The following DMAC1 variants were observed in gnomAD, a reference collection of about 807,000 sequenced individuals.
DMAC1 encodes distal membrane arm assembly component 1, also known as distal membrane-arm assembly complex protein 1.
In DMAC1, 10 loss-of-function variants were observed where a neutral mutation model predicts 7.0. That is an observed-to-expected ratio of 1.43 (90% CI 0.88 to 2.43). The LOEUF is 2.43. Among genes scored for constraint, DMAC1 ranks in the 30% most tolerant of loss-of-function variants. The pLI is 0.00. For missense variants in DMAC1, 219 were observed against 158.7 expected (o/e 1.38, Z -2.04); for synonymous variants, 92 against 66.2 (o/e 1.39, Z -1.90).
In DMAC1 at chr9:7,799,627, G is replaced by C. The variant is rs1173313594; in HGVS notation, c.108C>G (p.Thr36=). 2 of 1,613,026 alleles carry C rather than the reference G, an allele frequency of 1.2e-6. No homozygotes were observed. The highest frequency in any genetic ancestry group is 4.5e-5 in the East Asian group (2 of 44,846). ...TCAACAGGCGGTGTTCTGCTGGGGA[G>C]GTCGGCGCTCCGGGTGTAGCTGGGG... is the stretch of plus-strand genomic sequence containing the variant. The part of the protein sequence containing the change: ...PAPPATPGAP[T]SPAEHRLLKT... The change falls in exon 1 of 2, where the codon ACC becomes ACG. Residue 36 remains threonine (T), a synonymous_variant. Transcript: ENST00000358227.
In DMAC1 at chr9:7,799,633, C is replaced by CA; in HGVS notation, c.101_102insT (p.Pro35AlafsTer125). ...GGCGGTGTTCTGCTGGGGAGGTCGGCGCTCCGGGTGTAGCTGGGGGCGCAG... is the reference window on the plus strand; with the variant it reads ...GGCGGTGTTCTGCTGGGGAGGTCGGCAGCTCCGGGTGTAGCTGGGGGCGCAG... On this transcript the variant is annotated frameshift_variant, in exon 1 of 2. Coordinates refer to ENST00000358227, the MANE Select transcript of DMAC1 (RefSeq NM_033428.3). LOFTEE classifies it high-confidence loss of function. 3 of 1,612,872 alleles carry CA rather than the reference C, an allele frequency of 1.9e-6. No homozygotes were observed. The highest frequency in any genetic ancestry group is 2.5e-6 in the Non-Finnish European group (3 of 1,179,770).
At position 7,797,590 on chromosome 9, in the gene DMAC1, T is replaced by C. The variant is rs972127918; in HGVS notation, c.*983A>G. 3.9e-5 allele frequency: 6 copies of C among 152,184 alleles called. No homozygotes were observed. The highest frequency in any genetic ancestry group is 7.4e-5 in the Non-Finnish European group (5 of 68,022). 9.4% of individuals were successfully genotyped at this position (152,184 alleles called of 1,614,324 possible). ...AGTATCTCAGGGTAGAAAAACCCAA[T>C]AGGTAGAAAACATGGCCTTCTCTTA... On this transcript the variant is annotated 3_prime_UTR_variant, in exon 2 of 2. Transcript: ENST00000358227.
chr9:7,797,789 T>C lies in DMAC1; in HGVS notation c.*784A>G, dbSNP rs1430291676. 1.3e-5 allele frequency: 2 copies of C among 152,170 alleles called. No homozygotes were observed. Among genetic ancestry groups the C allele is most frequent in the Non-Finnish European group, 2.9e-5 (2 of 68,026 alleles). 9.4% of individuals were successfully genotyped at this position (152,170 alleles called of 1,614,324 possible). ...TGATTTTTATGATTATCTAACTGTT[T>C]CATAATGGTTATTCTTGCCTCCATG... On this transcript the variant is annotated 3_prime_UTR_variant, in exon 2 of 2. Coordinates refer to ENST00000358227, the MANE Select transcript of DMAC1 (RefSeq NM_033428.3).
At position 7,797,187 on chromosome 9, in the gene DMAC1, A is replaced by AT. The variant is rs1818624673; in HGVS notation, c.*1385dup. On this transcript the variant is annotated 3_prime_UTR_variant, in exon 2 of 2. Transcript: ENST00000358227. ...TTTAGGTATATGAATGACCATATGT[A>AT]TCTGCTTTGGGTCATCCATGGTCCC... is the stretch of plus-strand genomic sequence containing the variant. 6.6e-6 allele frequency: 1 copy of AT among 152,242 alleles called. No homozygotes were observed. The highest frequency in any genetic ancestry group is 1.5e-5 in the Non-Finnish European group (1 of 68,042). 9.4% of individuals were successfully genotyped at this position (152,242 alleles called of 1,614,324 possible).
At chr9:7,799,212 C>A (rs1005224103) in intron 1 of DMAC1, among the ~76,000 whole-genome samples, 1 of 151,876 alleles carries the variant, frequency 6.6e-6, no homozygotes, top group African/African-American at 2.4e-5. Context: ...ATACCTACTT[C>A]TAACAGCTAT....
rs765696614 is a variant in DMAC1, at chr9:7,798,590, C to T, written c.322G>A (p.Ala108Thr). 1.9e-6 allele frequency: 3 copies of T among 1,611,934 alleles called. No individual in the cohort carries two copies. The highest frequency in any genetic ancestry group is 1.1e-5 in the South Asian group (1 of 90,848). The stretch of plus-strand genomic sequence containing the variant: ...TGGTACTTTCAAACAACGCGGTAGG[C>T]CTTCCCTTTGGGGTCTGCCATGACA... ...IVVMADPKGKAYRVV is the reference protein window; with the variant it reads ...IVVMADPKGKTYRVV Residue 108 changes from alanine (A) to threonine (T), a missense_variant, in exon 2 of 2, where the codon GCC (alanine) becomes ACC (threonine). Physicochemically the swap from Ala to Thr is moderately conservative, Grantham distance 58. Coordinates refer to ENST00000358227, the MANE Select transcript of DMAC1 (RefSeq NM_033428.3).
At position 7,797,386 on chromosome 9, in the gene DMAC1, G is replaced by C. The variant is rs1162575707; in HGVS notation, c.*1187C>G. Reference sequence around the variant, plus strand: ...GATGTAGAAAATACAAGATTCTAAAGTCATCTGTGAGGCTAAATAGACTTA... The same window carrying C: ...GATGTAGAAAATACAAGATTCTAAACTCATCTGTGAGGCTAAATAGACTTA... On this transcript the variant is annotated 3_prime_UTR_variant, in exon 2 of 2. Coordinates refer to ENST00000358227, the MANE Select transcript of DMAC1 (RefSeq NM_033428.3). The C allele has an allele frequency of 2.0e-5, 3 of 152,180 alleles. No homozygotes were observed. Among genetic ancestry groups the C allele is most frequent in the Admixed American group, 6.5e-5 (1 of 15,290 alleles). 9.4% of individuals were successfully genotyped at this position (152,180 alleles called of 1,614,324 possible).
chr9:7,799,332 G>C, intron 1 of DMAC1, 129 bp downstream of exon 1: 1 of 1,219,642 alleles, frequency 8.2e-7, no homozygotes, highest in Non-Finnish European at 1.1e-6. Flanking sequence ...CACCTTGTTT[G>C]AGGTGCCCCC....
At position 7,799,547 on chromosome 9, in the gene DMAC1, C is replaced by T; in HGVS notation, c.188G>A (p.Gly63Glu). 1 of 1,613,820 alleles carries T rather than the reference C, an allele frequency of 6.2e-7. No homozygotes were observed. The highest frequency in any genetic ancestry group is 8.5e-7 in the Non-Finnish European group (1 of 1,180,020). Residue 63 changes from glycine (G) to glutamate (E), a missense_variant, in exon 1 of 2, where the codon GGG becomes GAG. Gly to Glu is a moderately conservative substitution (Grantham distance 98). Transcript: ENST00000358227. ...LSGLGLMGAGGYVYWVARKPM... is the reference protein window; with the variant it reads ...LSGLGLMGAGEYVYWVARKPM... ...CTTCCGTGCCACCCAGTACACGTACCCGCCCGCCCCCATCAGCCCCAACCC... is the reference window on the plus strand; with the variant it reads ...CTTCCGTGCCACCCAGTACACGTACTCGCCCGCCCCCATCAGCCCCAACCC...
At chr9:7,798,991 G>C (rs1212300304) in intron 1 of DMAC1, among the ~76,000 whole-genome samples, 3 of 152,088 alleles carry the variant, frequency 2.0e-5, no homozygotes, top group Non-Finnish European at 4.4e-5. Context: ...TACCAAGTAG[G>C]TGAGCTTAGA....
Position 7,799,539 on chromosome 9 carries a change from A to C in DMAC1, c.196T>G (p.Tyr66Asp). Residue 66 changes from tyrosine to aspartate, a missense_variant, in exon 1 of 2, where the codon TAC (tyrosine) becomes GAC (aspartate). By Grantham distance (160) the Tyr-to-Asp change is radical. Transcript: ENST00000358227. ...LGLMGAGGYV[Y>D]WVARKPMKMG... is the part of the protein sequence containing the mutation. ...TTCATGGGCTTCCGTGCCACCCAGT[A>C]CACGTACCCGCCCGCCCCCATCAGC... is the stretch of plus-strand genomic sequence containing the variant. 1 of 1,613,708 alleles carries C rather than the reference A, an allele frequency of 6.2e-7. No individual in the cohort carries two copies. The highest frequency in any genetic ancestry group is 8.5e-7 in the Non-Finnish European group (1 of 1,180,012).
Position 7,798,133 on chromosome 9 carries a change from T to A in DMAC1, c.*440A>T, listed in dbSNP as rs1460264926. ...AACTCTTTAAAATAATGAAGTAAAA[T>A]AGCTAATTTTCCCGTTGGTTTACCA... is the stretch of plus-strand genomic sequence containing the variant. On this transcript the variant is annotated 3_prime_UTR_variant, in exon 2 of 2. Coordinates refer to ENST00000358227, the MANE Select transcript of DMAC1 (RefSeq NM_033428.3). 2 of 152,668 alleles carry A rather than the reference T, an allele frequency of 1.3e-5. No homozygotes were observed. The highest frequency in any genetic ancestry group is 2.9e-5 in the Non-Finnish European group (2 of 68,396). 9.5% of individuals were successfully genotyped at this position (152,668 alleles called of 1,614,324 possible).
In DMAC1 at chr9:7,797,309, T is replaced by C. The variant is rs749556126; in HGVS notation, c.*1264A>G. 8 of 152,246 alleles carry C rather than the reference T, an allele frequency of 5.3e-5. No homozygotes were observed. The highest frequency in any genetic ancestry group is 1.2e-4 in the Non-Finnish European group (8 of 68,046). 9.4% of individuals were successfully genotyped at this position (152,246 alleles called of 1,614,324 possible). On this transcript the variant is annotated 3_prime_UTR_variant, in exon 2 of 2. Coordinates refer to ENST00000358227, the MANE Select transcript of DMAC1 (RefSeq NM_033428.3). ...GTTGCGTACTTTAGGTTTGAAATGTTTTCTTTTTCAGTTGCATAGATATAT... is the reference window on the plus strand; with the variant it reads ...GTTGCGTACTTTAGGTTTGAAATGTCTTCTTTTTCAGTTGCATAGATATAT...
chr9:7,798,424 AC>A lies in DMAC1; in HGVS notation c.*148del. The A allele has an allele frequency of 1.2e-6, 1 of 868,486 alleles. No individual in the cohort carries two copies. The highest frequency in any genetic ancestry group is 1.9e-6 in the Non-Finnish European group (1 of 520,538). 53.8% of individuals were successfully genotyped at this position (868,486 alleles called of 1,614,324 possible). The stretch of plus-strand genomic sequence containing the variant: ...CTCCATAGCCAGAGAATGACAACAT[AC>A]GATTTTCTTCTCAGTCTTGTAGTAT... On this transcript the variant is annotated 3_prime_UTR_variant, in exon 2 of 2. Transcript: ENST00000358227.
At chr9:7,799,045 T>G (rs561442243) in intron 1 of DMAC1, among the ~76,000 whole-genome samples, 14 of 152,008 alleles carry the variant, frequency 9.2e-5, no homozygotes, top group Non-Finnish European at 1.2e-4. Flanking sequence ...TTTCTTAAAT[T>G]AAGGTCAAGG....
Position 7,799,713 on chromosome 9 carries a change from G to T in DMAC1, c.22C>A (p.Pro8Thr). Residue 8 changes from proline to threonine, a missense_variant, in exon 1 of 2, where the codon CCT becomes ACT. Physicochemically the swap from Pro to Thr is conservative, Grantham distance 38 (BLOSUM62 -1). Coordinates refer to ENST00000358227, the MANE Select transcript of DMAC1 (RefSeq NM_033428.3). MGSRLSQ[P>T]FESYITAPPG... ...GGCGCAGTGATATAGGACTCAAAAGGCTGGGACAACCGAGACCCCATGCTC... is the reference window on the plus strand; with the variant it reads ...GGCGCAGTGATATAGGACTCAAAAGTCTGGGACAACCGAGACCCCATGCTC... The T allele has an allele frequency of 1.3e-6, 2 of 1,560,280 alleles. No homozygotes were observed. Among genetic ancestry groups the T allele is most frequent in the Non-Finnish European group, 8.6e-7 (1 of 1,156,922 alleles).
At position 7,798,557 on chromosome 9, in the gene DMAC1, T is replaced by A; in HGVS notation, c.*16A>T. 1 of 1,613,892 alleles carries A rather than the reference T, an allele frequency of 6.2e-7. No homozygotes were observed. Among genetic ancestry groups the A allele is most frequent in the Non-Finnish European group, 8.5e-7 (1 of 1,179,760 alleles). On this transcript the variant is annotated 3_prime_UTR_variant, in exon 2 of 2. Transcript: ENST00000358227. ...GAAAGGGACAGAGACAGAAGACAGATTCACTGGTGGTACTTTCAAACAACG... is the reference window on the plus strand; with the variant it reads ...GAAAGGGACAGAGACAGAAGACAGAATCACTGGTGGTACTTTCAAACAACG...
chr9:7,797,862 A>G lies in DMAC1; in HGVS notation c.*711T>C, dbSNP rs910745276. 1 of 152,246 alleles carries G rather than the reference A, an allele frequency of 6.6e-6. No homozygotes were observed. Among genetic ancestry groups the G allele is most frequent in the African/African-American group, 2.4e-5 (1 of 41,478 alleles). The allele number at this position is 152,246 out of a possible 1,614,324, so 9.4% of individuals were successfully genotyped here. On this transcript the variant is annotated 3_prime_UTR_variant, in exon 2 of 2. Transcript: ENST00000358227. ...ACTGACAAGAACAAGTTCTAGCTCC[A>G]TCACGGACTTACTGAATGACCCTAG...
In DMAC1 at chr9:7,797,090, C is replaced by A. The variant is rs1388122827; in HGVS notation, c.*1483G>T. ...TTTTGGTTTAACCAAAGAAAATGTT[C>A]AGGGACTAAAGCAGTCCATCAATAG... On this transcript the variant is annotated 3_prime_UTR_variant, in exon 2 of 2. Transcript: ENST00000358227. The A allele has an allele frequency of 6.6e-6, 1 of 152,130 alleles. No individual in the cohort carries two copies. The highest frequency in any genetic ancestry group is 1.5e-5 in the Non-Finnish European group (1 of 68,018). 9.4% of individuals were successfully genotyped at this position (152,130 alleles called of 1,614,324 possible). A position where few individuals can be genotyped will look rare whatever the true frequency, so the allele number is the denominator to read the frequency against.
Sources: gnomAD v4.1 joint callset for allele counts (sites outside exome capture counted in the v4.1 genomes callset) on GRCh38, gnomAD v4.1.1 for gene constraint, MANE v1.5 for transcripts, NCBI Gene and HGNC (gene_info 2026-07-23, HGNC 2026-07-21) for gene names.